Variants in TOM1L2 observed in about 807,000 individuals in gnomAD.
TOM1L2 encodes the protein target of myb1 like 2 membrane trafficking protein.
Under a neutral mutation model 67.9 loss-of-function variants are expected in TOM1L2, and 31 were observed. The ratio of observed to expected loss-of-function variants is 0.46; its 90% CI spans 0.34 to 0.62. The LOEUF is 0.62. TOM1L2 is among the 20% of genes least tolerant of loss of function. The pLI, the probability that TOM1L2 is intolerant of heterozygous loss-of-function variation, is 0.01. For missense variants in TOM1L2, 606 were observed against 663.5 expected (o/e 0.91, Z 0.95); for synonymous variants, 256 against 254.0 (o/e 1.01, Z -0.07).
chr17:17,904,983 G>A (rs528528692), intron 2 of TOM1L2, among the ~76,000 whole-genome samples: 11 of 152,088 alleles, frequency 7.2e-5, no homozygotes, highest in African/African-American at 2.2e-4. Flanking sequence ...TTGGCATCCC[G>A]TAGCTGCTAT....
At chr17:17,906,055 C>G (rs1009488398) in intron 2 of TOM1L2, among the ~76,000 whole-genome samples, 3 of 151,858 alleles carry the variant, frequency 2.0e-5, no homozygotes, top group Admixed American at 2.0e-4. Context: ...TCACCCCCTA[C>G]TCCCTCATCT....
intron 1 of TOM1L2, among the ~76,000 whole-genome samples, chr17:17,922,425 T>C (rs898878487): frequency 6.6e-6 from 1 of 152,160 alleles, no homozygotes; most frequent in Non-Finnish European, 1.5e-5. Context: ...AGAATATTTA[T>C]GTCTGAGACA....
rs541501818 is a variant in TOM1L2 at position 17,939,290 on chromosome 17, AG to A, written c.53-31760del. ...AGAACCTTAACTTTCATCTGATGGG[AG>A]GCCTCCCAGATGGGCTGTGCCCAGC... On this transcript the variant is annotated intron_variant, in intron 1 of 14. Transcript: ENST00000379504. Among the ~76,000 whole-genome samples, 78 of 152,348 alleles carry A rather than the reference AG, an allele frequency of 5.1e-4. 2 individuals carry two copies. The South Asian group carries it at 0.016, about 31-fold the overall frequency.
chr17:17,946,687 C>G (rs1375390056), intron 1 of TOM1L2, among the ~76,000 whole-genome samples: 1 of 152,050 alleles, frequency 6.6e-6, no homozygotes, highest in Non-Finnish European at 1.5e-5. Flanking sequence ...GCCTGTTTTG[C>G]TCTCTAAACA....
At chr17:17,880,509 A>AGAAAC (rs2037668806) in intron 6 of TOM1L2, among the ~76,000 whole-genome samples, 1 of 152,208 alleles carries the variant, frequency 6.6e-6, no homozygotes, top group Non-Finnish European at 1.5e-5. Context: ...CCCTCGAAGG[A>AGAAAC]TCTGCAGAAA....
chr17:17,909,922 A>G (rs969461317), intron 1 of TOM1L2, among the ~76,000 whole-genome samples: 10 of 152,092 alleles, frequency 6.6e-5, no homozygotes, highest in Non-Finnish European at 1.5e-4. Flanking sequence ...CTAACTACTA[A>G]TGAGGCTGAG....
At chr17:17,964,347 C>T (rs2041803672) in intron 1 of TOM1L2, among the ~76,000 whole-genome samples, 1 of 152,136 alleles carries the variant, frequency 6.6e-6, no homozygotes, top group African/African-American at 2.4e-5. Context: ...GTATTTACAC[C>T]GTTTTCCTTT....
chr17:17,902,509 A>G (rs1888194521), intron 2 of TOM1L2, among the ~76,000 whole-genome samples: 1 of 152,258 alleles, frequency 6.6e-6, no homozygotes, highest in African/African-American at 2.4e-5. Context: ...GCAAGTGACC[A>G]AACTACTCAG....
chr17:17,889,185 TG>T (rs1568176659), intron 4 of TOM1L2, among the ~76,000 whole-genome samples: 1 of 152,076 alleles, frequency 6.6e-6, no homozygotes, highest in Non-Finnish European at 1.5e-5. Context: ...TGGCTACGGA[TG>T]GCTGGAGGGC....
intron 1 of TOM1L2, among the ~76,000 whole-genome samples, chr17:17,939,087 A>G (rs2040626331): frequency 6.6e-6 from 1 of 152,250 alleles, no homozygotes; most frequent in Non-Finnish European, 1.5e-5. Flanking sequence ...CTTGATATAC[A>G]GACAGCCTCT....
At chr17:17,923,813 TGA>T (rs1385068297) in intron 1 of TOM1L2, among the ~76,000 whole-genome samples, 4 of 152,020 alleles carry the variant, frequency 2.6e-5, no homozygotes, top group Admixed American at 2.6e-4. Flanking sequence ...CACTCCAGTC[TGA>T]GAGACAGAGC....
At chr17:17,856,608 CTATGGGCAGT>C (rs1337972293) in intron 12 of TOM1L2, among the ~76,000 whole-genome samples, 2 of 152,276 alleles carry the variant, frequency 1.3e-5, no homozygotes, top group African/African-American at 4.8e-5. Context: ...GCATAGCACA[CTATGGGCAGT>C]TATGTATTCC....
chr17:17,866,384 G>T lies in TOM1L2; in HGVS notation c.996C>A (p.Asp332Glu). ...CCACGGCTGGAGACCCTGGCCCCAG[G>T]TCTATTAAGTTGTCTTCGGTTACTT... The part of the protein sequence containing the change: ...LNEVTEDNLI[D>E]LGPGSPAVVS... Residue 332 changes from aspartate (D) to glutamate (E), a missense_variant, in exon 10 of 15, where the codon GAC becomes GAA. Around this residue, in one of 2 missense-constraint regions of TOM1L2, gnomAD observed 543 missense variants for 554.0 expected, o/e 0.98. Coordinates refer to ENST00000379504, the MANE Select transcript of TOM1L2 (RefSeq NM_001082968.2). 6.2e-7 allele frequency: 1 copy of T among 1,606,626 alleles called. No individual in the cohort carries two copies. Among genetic ancestry groups the T allele is most frequent in the Non-Finnish European group, 8.5e-7 (1 of 1,176,004 alleles).
At chr17:17,894,934 AACATACATACAT>A (rs200969782) in intron 3 of TOM1L2, among the ~76,000 whole-genome samples, 7,510 of 143,744 alleles carry the variant, frequency 0.052, 543 homozygotes, top group African/African-American at 0.16. Context: ...CTGTCTCAAA[AACATACATACAT>A]ACATACATAC....
At chr17:17,878,069 C>A (rs1299739906) in intron 7 of TOM1L2, among the ~76,000 whole-genome samples, 1 of 152,246 alleles carries the variant, frequency 6.6e-6, no homozygotes, top group Non-Finnish European at 1.5e-5. Flanking sequence ...CACAAAGCTG[C>A]CTCAAGAGGC....
At chr17:17,952,393 T>C (rs1326395623) in intron 1 of TOM1L2, among the ~76,000 whole-genome samples, 25 of 134,274 alleles carry the variant, frequency 1.9e-4, no homozygotes, top group South Asian at 7.4e-4. Context: ...TTTTTTTTTT[T>C]TTTTTTTTTT....
At chr17:17,933,250 G>C (rs1470216854) in intron 1 of TOM1L2, among the ~76,000 whole-genome samples, 1 of 152,146 alleles carries the variant, frequency 6.6e-6, no homozygotes, top group Non-Finnish European at 1.5e-5. Flanking sequence ...AAGCAGGCAG[G>C]AAGAACACGA....
intron 11 of TOM1L2, chr17:17,861,885 G>T: frequency 4.6e-6 from 1 of 218,194 alleles, no homozygotes. Context: ...TCAGAGGGAA[G>T]ACTAGATAAA....
chr17:17,910,442 T>A (rs1396071555), intron 1 of TOM1L2, among the ~76,000 whole-genome samples: 1 of 152,152 alleles, frequency 6.6e-6, no homozygotes, highest in Non-Finnish European at 1.5e-5. Context: ...AAGTTATGGA[T>A]CTCAGCCCTG....
Sources: gnomAD v4.1 joint callset for allele counts (sites outside exome capture counted in the v4.1 genomes callset) on GRCh38, gnomAD v4.1.1 for gene constraint, gnomAD v4.1.1 regional missense constraint, MANE v1.5 for transcripts, NCBI Gene and HGNC (gene_info 2026-07-23, HGNC 2026-07-21) for gene names.